Variants in SORCS1 observed in about 807,000 individuals in gnomAD.
The protein encoded by SORCS1 is sortilin related VPS10 domain containing receptor 1, also known as VPS10 domain-containing receptor SorCS1.
SORCS1 carries 60 observed loss-of-function variants against 146.1 expected under a neutral mutation model. The ratio of observed to expected loss-of-function variants is 0.41; its 90% CI spans 0.33 to 0.51. The LOEUF (loss-of-function observed/expected upper bound fraction) is 0.51. Among genes scored for constraint, SORCS1 ranks in the 20% least tolerant of loss-of-function variants. The pLI is 0.21. For missense variants in SORCS1, 1,352 were observed against 1,487.6 expected, an observed-to-expected ratio of 0.91 and a Z score of 1.50; for synonymous variants, 637 against 584.0, an observed-to-expected ratio of 1.09 and a Z score of -1.31.
chr10:107,111,606 C>G (rs1296351670), intron 1 of SORCS1, among the ~76,000 whole-genome samples: 2 of 152,034 alleles, frequency 1.3e-5, no homozygotes, highest in Non-Finnish European at 2.9e-5. Flanking sequence ...AATATATAAA[C>G]TGTGTGATTT....
chr10:107,083,110 CAAA>C (rs538577059), intron 1 of SORCS1, among the ~76,000 whole-genome samples: 1 of 60,480 alleles, frequency 1.7e-5, no homozygotes. Flanking sequence ...CTCCAACTCA[CAAA>C]AAAAAAAAAA....
intron 4 of SORCS1, among the ~76,000 whole-genome samples, chr10:106,762,386 C>CTTTTTTTTTTTTTTTTTTTTT (rs869195563): frequency 4.1e-5 from 3 of 73,828 alleles, no homozygotes; most frequent in East Asian, 4.9e-4. Context: ...TTTTATTATT[C>CTTTTTTTTTTTTTTTTTTTTT]TTTTTTTTTT....
intron 1 of SORCS1, among the ~76,000 whole-genome samples, chr10:106,971,370 CTG>C (rs1168467403): frequency 6.6e-6 from 1 of 152,180 alleles, no homozygotes; most frequent in Non-Finnish European, 1.5e-5. Flanking sequence ...GACTGAATGA[CTG>C]TGGTTATATT....
At chr10:106,672,387 C>T (rs1851674754) in intron 15 of SORCS1, among the ~76,000 whole-genome samples, 1 of 152,242 alleles carries the variant, frequency 6.6e-6, no homozygotes, top group African/African-American at 2.4e-5. Context: ...ACCAGAAGTA[C>T]CTTGCAAGGA....
chr10:106,807,301 T>TAGC (rs1947237661), intron 3 of SORCS1, among the ~76,000 whole-genome samples: 1 of 152,330 alleles, frequency 6.6e-6, no homozygotes, highest in South Asian at 2.1e-4. Context: ...AGAGACCACA[T>TAGC]AGCAGCACTG....
At chr10:106,577,950 T>A (rs1014951396) in intron 25 of SORCS1, 1 of 165,860 alleles carries the variant, frequency 6.0e-6, no homozygotes, top group African/African-American at 2.4e-5. Flanking sequence ...CATTTACATT[T>A]CCCCTTAACA....
At chr10:106,986,762 C>G (rs1956495539) in intron 1 of SORCS1, among the ~76,000 whole-genome samples, 1 of 152,156 alleles carries the variant, frequency 6.6e-6, no homozygotes, top group Non-Finnish European at 1.5e-5. Context: ...TCTGTCCATT[C>G]AATAAATATT....
intron 3 of SORCS1, among the ~76,000 whole-genome samples, chr10:106,827,784 G>A (rs1471121081): frequency 6.6e-6 from 1 of 152,152 alleles, no homozygotes; most frequent in African/African-American, 2.4e-5. Flanking sequence ...AATTTGTGAG[G>A]TTGACAGTAT....
chr10:106,858,310 C>T (rs528419209), intron 2 of SORCS1, among the ~76,000 whole-genome samples: 5 of 151,412 alleles, frequency 3.3e-5, no homozygotes, highest in East Asian at 1.9e-4. Context: ...CATACAGATC[C>T]GGTGAGATAA....
chr10:106,868,453 A>C (rs982339543), intron 2 of SORCS1, among the ~76,000 whole-genome samples: 1 of 152,190 alleles, frequency 6.6e-6, no homozygotes, highest in African/African-American at 2.4e-5. Context: ...TGGACATAAA[A>C]CAATCCCTGG....
chr10:106,976,211 GTT>G (rs751512315), intron 1 of SORCS1, among the ~76,000 whole-genome samples: 5 of 134,340 alleles, frequency 3.7e-5, no homozygotes, highest in African/African-American at 5.3e-5. Flanking sequence ...TGCTTCATCT[GTT>G]TTTTTTTTTT....
At chr10:106,908,005 T>C (rs537912020) in intron 2 of SORCS1, among the ~76,000 whole-genome samples, 2 of 152,312 alleles carry the variant, frequency 1.3e-5, no homozygotes, top group African/African-American at 4.8e-5. Flanking sequence ...CTCTGACATC[T>C]TAAAAGTATC....
chr10:107,100,383 G>A (rs1439757233), intron 1 of SORCS1, among the ~76,000 whole-genome samples: 1 of 151,980 alleles, frequency 6.6e-6, no homozygotes, highest in Non-Finnish European at 1.5e-5. Context: ...GCGTGGTGGC[G>A]GGCGCCTGTA....
chr10:106,655,824 A>T (rs137908898), intron 17 of SORCS1, among the ~76,000 whole-genome samples: 1 of 152,298 alleles, frequency 6.6e-6, no homozygotes, highest in African/African-American at 2.4e-5. Flanking sequence ...TGCTTTTTGC[A>T]TTACAGAATG....
At chr10:106,634,326 T>C (rs564277649) in intron 18 of SORCS1, among the ~76,000 whole-genome samples, 1 of 152,328 alleles carries the variant, frequency 6.6e-6, no homozygotes, top group Non-Finnish European at 1.5e-5. Context: ...AATTTGAAAG[T>C]TGCACATTTC....
rs562213104 is a variant in SORCS1 at position 106,891,501 on chromosome 10, A to ATTTTTTTTTTTTTTTTTTTTTTTT, written c.627-61829_627-61828insAAAAAAAAAAAAAAAAAAAAAAAA. Among the ~76,000 whole-genome samples the ATTTTTTTTTTTTTTTTTTTTTTTT allele has an allele frequency of 5.7e-4, 42 of 74,064 alleles. 2 individuals carry two copies. Among genetic ancestry groups the ATTTTTTTTTTTTTTTTTTTTTTTT allele is most frequent in the Middle Eastern group, 5.7e-3 (1 of 174 alleles). The allele number at this position is 74,064 out of a possible 152,430, so 48.6% of individuals were successfully genotyped here. A position where few individuals can be genotyped will look rare whatever the true frequency, so the allele number is the denominator to read the frequency against. ...AAAGTAATCAGAAGTTTCAATGGGA[A>ATTTTTTTTTTTTTTTTTTTTTTTT]TTCTTTTTTTTTTTTTGAGAAAAGA... On this transcript the variant is annotated intron_variant, in intron 2 of 25. Coordinates refer to ENST00000263054, the MANE Select transcript of SORCS1 (RefSeq NM_052918.5).
At chr10:106,896,721 T>C (rs1040073681) in intron 2 of SORCS1, among the ~76,000 whole-genome samples, 2 of 151,152 alleles carry the variant, frequency 1.3e-5, no homozygotes, top group Non-Finnish European at 2.9e-5. Flanking sequence ...CCCTGGAAAC[T>C]TTCCCCAACT....
chr10:106,764,906 C>T (rs1859440589), intron 4 of SORCS1, among the ~76,000 whole-genome samples: 1 of 151,482 alleles, frequency 6.6e-6, no homozygotes, highest in Non-Finnish European at 1.5e-5. Context: ...GCCTGTAGTC[C>T]CAGCTACTCG....
chr10:106,837,455 A>T (rs1055931824), intron 2 of SORCS1, among the ~76,000 whole-genome samples: 1 of 151,850 alleles, frequency 6.6e-6, no homozygotes, highest in African/African-American at 2.4e-5. Flanking sequence ...CTATGTTCCC[A>T]CTTCTCCAAT....
Sources: gnomAD v4.1 joint callset for allele counts (sites outside exome capture counted in the v4.1 genomes callset) on GRCh38, gnomAD v4.1.1 for gene constraint, MANE v1.5 for transcripts, NCBI Gene and HGNC (gene_info 2026-07-23, HGNC 2026-07-21) for gene names.